Variants in EPC1 observed in about 807,000 individuals in gnomAD.
The protein encoded by EPC1 is enhancer of polycomb homolog 1.
A neutral mutation model predicts 98.4 loss-of-function variants in EPC1; 12 were observed. That is an observed-to-expected ratio of 0.12 (90% CI 0.08 to 0.20). EPC1 has a LOEUF of 0.20. Ranked by LOEUF, EPC1 falls within the 10% of genes least tolerant of loss-of-function variation. EPC1 has a pLI of 1.00. For missense variants in EPC1, 729 were observed against 990.5 expected (o/e 0.74, Z 3.54); for synonymous variants, 357 against 363.9 (o/e 0.98, Z 0.21).
In EPC1 at chr10:32,309,868, G is replaced by A. The variant is rs1836104342; in HGVS notation, c.154-3937C>T. The stretch of plus-strand genomic sequence containing the variant: ...TAAAACATGACCCCTAAGGAGTTCT[G>A]ATTTTTACAAGCAATATAGTATAGT... On this transcript the variant is annotated intron_variant, in intron 1 of 13. Transcript: ENST00000319778. Among the ~76,000 whole-genome samples, 9 of 149,696 alleles carry A rather than the reference G, an allele frequency of 6.0e-5. No homozygotes were observed. The Admixed American group carries it at 6.0e-4, about 10-fold the overall frequency.
intron 1 of EPC1, among the ~76,000 whole-genome samples, chr10:32,331,754 T>A (rs1347792214): frequency 1.3e-5 from 2 of 152,268 alleles, no homozygotes; most frequent in Non-Finnish European, 2.9e-5. Context: ...GTATTTAGCA[T>A]TATACTTTGT....
chr10:32,374,646 A>G (rs1056900644), intron 1 of EPC1, among the ~76,000 whole-genome samples: 1 of 152,164 alleles, frequency 6.6e-6, no homozygotes, highest in Non-Finnish European at 1.5e-5. Context: ...ATCCTATTTA[A>G]ACAGATCTAA....
At chr10:32,292,722 T>C in intron 4 of EPC1, 78 bp from the exon 5 acceptor site, 1 of 1,385,956 alleles carries the variant, frequency 7.2e-7, no homozygotes, top group South Asian at 1.4e-5. Context: ...ATAAAATTTA[T>C]ATATTTGAAG....
chr10:32,307,599 C>G (rs1835948946), intron 1 of EPC1, among the ~76,000 whole-genome samples: 1 of 152,100 alleles, frequency 6.6e-6, no homozygotes, highest in Non-Finnish European at 1.5e-5. Flanking sequence ...CTCCTGGGAG[C>G]TGGTAGAAAC....
Position 32,284,806 on chromosome 10 carries a change from A to T in EPC1, c.1636T>A (p.Cys546Ser). Residue 546 changes from cysteine to serine, a missense_variant, in exon 10 of 14, where the codon TGT (cysteine) becomes AGT (serine). Physicochemically the swap from Cys to Ser is moderately radical, Grantham distance 112 (BLOSUM62 -1). This residue lies in a region of EPC1 where 390 missense variants were observed against 438.6 expected (regional missense o/e 0.89). Transcript: ENST00000319778. ...LHDSDNDELS[C>S]RKLYRSINRT... ...TTTATACTCCTATATAATTTTCTACAGGAGAGTTCATCATTGTCACTGTCA... is the reference window on the plus strand; with the variant it reads ...TTTATACTCCTATATAATTTTCTACTGGAGAGTTCATCATTGTCACTGTCA... The T allele has an allele frequency of 1.2e-6, 2 of 1,614,202 alleles. No individual in the cohort carries two copies. Among genetic ancestry groups the T allele is most frequent in the Non-Finnish European group, 1.7e-6 (2 of 1,180,024 alleles).
At chr10:32,302,751 A>G (rs1422397091) in intron 2 of EPC1, among the ~76,000 whole-genome samples, 1 of 152,114 alleles carries the variant, frequency 6.6e-6, no homozygotes, top group East Asian at 1.9e-4. Flanking sequence ...ATGAAAAGAT[A>G]TTTCATTTTA....
chr10:32,306,735 C>T (rs1887534), intron 1 of EPC1, among the ~76,000 whole-genome samples: 148,934 of 152,248 alleles, frequency 0.98, 72,919 homozygotes, highest in East Asian at 1. Flanking sequence ...AAAATAAGTT[C>T]TGGTTTAGCC....
At chr10:32,278,583 G>A (rs946546678) in intron 10 of EPC1, among the ~76,000 whole-genome samples, 2 of 151,592 alleles carry the variant, frequency 1.3e-5, no homozygotes, top group African/African-American at 4.8e-5. Flanking sequence ...GGGTTTCACC[G>A]TTTTAGCCGG....
At chr10:32,342,134 T>G (rs572658533) in intron 1 of EPC1, among the ~76,000 whole-genome samples, 2 of 152,352 alleles carry the variant, frequency 1.3e-5, no homozygotes, top group South Asian at 4.1e-4. Flanking sequence ...TCTCAATTCT[T>G]TTCTAATTCA....
chr10:32,277,008 A>G (rs564514740), intron 10 of EPC1, among the ~76,000 whole-genome samples: 147 of 152,210 alleles, frequency 9.7e-4, no homozygotes, highest in Middle Eastern at 3.4e-3. Flanking sequence ...TCTTCCTACA[A>G]CCTCATCTAG....
At chr10:32,318,161 G>C (rs74677973) in intron 1 of EPC1, among the ~76,000 whole-genome samples, 2 of 152,282 alleles carry the variant, frequency 1.3e-5, no homozygotes, top group East Asian at 3.9e-4. Flanking sequence ...GCTTAGAAAA[G>C]CCGCAATCTA....
intron 1 of EPC1, among the ~76,000 whole-genome samples, chr10:32,359,277 A>G (rs1174741536): frequency 2.6e-5 from 4 of 152,214 alleles, no homozygotes; most frequent in Non-Finnish European, 5.9e-5. Context: ...TCCTGCTAAA[A>G]ATTGTGTAAT....
chr10:32,324,560 C>T (rs1837149590), intron 1 of EPC1, among the ~76,000 whole-genome samples: 1 of 150,990 alleles, frequency 6.6e-6, no homozygotes, highest in African/African-American at 2.4e-5. Flanking sequence ...AAAAGTTACT[C>T]TAATAAATCT....
intron 1 of EPC1, among the ~76,000 whole-genome samples, chr10:32,324,216 C>G (rs1433060947): frequency 6.6e-6 from 1 of 151,018 alleles, no homozygotes; most frequent in African/African-American, 2.4e-5. Context: ...GGATTACAGG[C>G]GTGAGCCACT....
chr10:32,364,001 C>CCT (rs770520611), intron 1 of EPC1, among the ~76,000 whole-genome samples: 19,082 of 61,844 alleles, frequency 0.31, 8,181 homozygotes, highest in East Asian at 0.48. Flanking sequence ...ATCATGTTGG[C>CCT]ATTTTTTTTT....
chr10:32,372,948 C>T (rs986173687), intron 1 of EPC1, among the ~76,000 whole-genome samples: 14 of 152,258 alleles, frequency 9.2e-5, no homozygotes, highest in Admixed American at 1.3e-4. Flanking sequence ...TGCTTGAACC[C>T]GGGAGGCGGA....
intron 2 of EPC1, among the ~76,000 whole-genome samples, chr10:32,300,934 A>G (rs1181431117): frequency 6.6e-6 from 1 of 152,046 alleles, no homozygotes; most frequent in Non-Finnish European, 1.5e-5. Flanking sequence ...CCATTTCTCC[A>G]AGGCTTCCTG....
At chr10:32,299,803 GGA>G (rs1190747791) in intron 2 of EPC1, among the ~76,000 whole-genome samples, 1 of 152,058 alleles carries the variant, frequency 6.6e-6, no homozygotes, top group Non-Finnish European at 1.5e-5. Context: ...AGTAGTTTGT[GGA>G]GAGAGCTTAA....
At chr10:32,336,074 T>C (rs1291544853) in intron 1 of EPC1, among the ~76,000 whole-genome samples, 5 of 150,674 alleles carry the variant, frequency 3.3e-5, no homozygotes, top group Non-Finnish European at 4.4e-5. Context: ...TTTCTTTTTT[T>C]TTTTTTTTTT....
Sources: allele counts gnomAD v4.1 joint callset (sites outside exome capture counted in the v4.1 genomes callset), GRCh38; gene constraint gnomAD v4.1.1; regional missense constraint gnomAD v4.1.1; transcripts MANE v1.5; gene names NCBI Gene and HGNC (gene_info 2026-07-23, HGNC 2026-07-21).